Variants in SPMIP11 observed in about 807,000 individuals in gnomAD.
SPMIP11 encodes the protein sperm microtubule inner protein 11.
the SPMIP11 span, among the ~76,000 whole-genome samples, chr12:48,742,091 T>C: frequency 1.3e-5 from 2 of 151,968 alleles, no homozygotes; most frequent in Non-Finnish European, 2.9e-5. Flanking sequence ...TTAAAAAAAA[T>C]TTTTTGTAGA....
At chr12:48,741,243 G>A in the SPMIP11 span, among the ~76,000 whole-genome samples, 1 of 151,862 alleles carries the variant, frequency 6.6e-6, no homozygotes, top group Non-Finnish European at 1.5e-5. Context: ...TAGAGATGGG[G>A]TTTCTCCATG....
the SPMIP11 span, among the ~76,000 whole-genome samples, chr12:48,759,816 A>AT: frequency 2.0e-5 from 3 of 151,524 alleles, no homozygotes; most frequent in East Asian, 1.9e-4. Context: ...GAAAAAAAAA[A>AT]TTTTTTTTTG....
At chr12:48,750,979 A>G in the SPMIP11 span, among the ~76,000 whole-genome samples, 1 of 152,180 alleles carries the variant, frequency 6.6e-6, no homozygotes, top group African/African-American at 2.4e-5. Context: ...CTTTAACAGC[A>G]ACTATAAAAA....
chr12:48,769,952 G>A, the SPMIP11 span, among the ~76,000 whole-genome samples: 6 of 151,810 alleles, frequency 4.0e-5, no homozygotes, highest in Admixed American at 2.0e-4. Context: ...TAGTAGAGAC[G>A]GAATTTCACC....
the SPMIP11 span, among the ~76,000 whole-genome samples, chr12:48,760,134 T>C: frequency 6.6e-6 from 1 of 151,912 alleles, no homozygotes; most frequent in African/African-American, 2.4e-5. Flanking sequence ...AAGCAGAAGA[T>C]GTTTGAGTCC....
At chr12:48,762,349 C>A in the SPMIP11 span, among the ~76,000 whole-genome samples, 1 of 141,964 alleles carries the variant, frequency 7.0e-6, no homozygotes, top group Non-Finnish European at 1.5e-5. Flanking sequence ...TGAGCCACCC[C>A]GCCCAGCTTT....
At chr12:48,731,467 G>C in the SPMIP11 span, among the ~76,000 whole-genome samples, 1 of 152,016 alleles carries the variant, frequency 6.6e-6, no homozygotes, top group South Asian at 2.1e-4. Context: ...CTCCAGCCTG[G>C]GCGACAGAGC....
the SPMIP11 span, chr12:48,736,091 C>T: frequency 4.4e-6 from 2 of 452,400 alleles, no homozygotes; most frequent in Admixed American, 4.8e-5. Context: ...TCCCTAGAAA[C>T]TTTTTGTTTA....
At chr12:48,740,092 G>T in the SPMIP11 span, among the ~76,000 whole-genome samples, 1 of 152,118 alleles carries the variant, frequency 6.6e-6, no homozygotes, top group Admixed American at 6.6e-5. Flanking sequence ...TGATGATGAT[G>T]ATGATGTCAT....
At chr12:48,739,901 C>G in the SPMIP11 span, among the ~76,000 whole-genome samples, 7,731 of 152,270 alleles carry the variant, frequency 0.051, 255 homozygotes, top group Non-Finnish European at 0.084. Flanking sequence ...GATGAATTAG[C>G]TCAATTCTAG....
the SPMIP11 span, among the ~76,000 whole-genome samples, chr12:48,748,184 T>A: frequency 0.016 from 2,425 of 152,204 alleles, 35 homozygotes; most frequent in Non-Finnish European, 0.025. Flanking sequence ...TCCACTCCAT[T>A]CCCTCTGGTT....
the SPMIP11 span, among the ~76,000 whole-genome samples, chr12:48,734,362 C>T: frequency 6.6e-6 from 1 of 152,158 alleles, no homozygotes; most frequent in Non-Finnish European, 1.5e-5. Flanking sequence ...CCTCCCGCCC[C>T]ATCCTCCCAA....
the SPMIP11 span, among the ~76,000 whole-genome samples, chr12:48,739,386 G>A: frequency 6.6e-6 from 1 of 152,160 alleles, no homozygotes; most frequent in African/African-American, 2.4e-5. Context: ...TAGGACAGAA[G>A]AAGGTATTGA....
At chr12:48,767,275 G>A in the SPMIP11 span, 5 of 152,634 alleles carry the variant, frequency 3.3e-5, no homozygotes, top group Admixed American at 1.3e-4. Flanking sequence ...CACAGACAGG[G>A]AGAGTCATGC....
chr12:48,729,488 T>C, the SPMIP11 span, among the ~76,000 whole-genome samples: 1 of 150,476 alleles, frequency 6.6e-6, no homozygotes, highest in African/African-American at 2.4e-5. Context: ...GAGCTGAGAT[T>C]GAGCCACTGC....
At chr12:48,742,971 G>C in the SPMIP11 span, among the ~76,000 whole-genome samples, 3 of 152,164 alleles carry the variant, frequency 2.0e-5, no homozygotes, top group East Asian at 3.8e-4. Flanking sequence ...TCATTTGTCT[G>C]GGTGTAGTGG....
At chr12:48,758,281 C>T in the SPMIP11 span, among the ~76,000 whole-genome samples, 2 of 152,202 alleles carry the variant, frequency 1.3e-5, no homozygotes, top group Non-Finnish European at 2.9e-5. Flanking sequence ...AAGCAATGCT[C>T]AGAATCATGC....
At chr12:48,740,049 T>C in the SPMIP11 span, among the ~76,000 whole-genome samples, 1 of 152,176 alleles carries the variant, frequency 6.6e-6, no homozygotes, top group African/African-American at 2.4e-5. Flanking sequence ...CCTTGACCAC[T>C]CTCTTTGCCC....
At chr12:48,728,737 G>A in the SPMIP11 span, among the ~76,000 whole-genome samples, 1 of 151,370 alleles carries the variant, frequency 6.6e-6, no homozygotes, top group Non-Finnish European at 1.5e-5. Context: ...AAAAAGAAGG[G>A]GATATAGCAC....
Sources: gnomAD v4.1 joint callset for allele counts (sites outside exome capture counted in the v4.1 genomes callset) on GRCh38, gnomAD v4.1.1 for gene constraint, MANE v1.5 for transcripts, NCBI Gene and HGNC (gene_info 2026-07-23, HGNC 2026-07-21) for gene names.